TMOD1: variants seen among roughly 807,000 people sequenced by gnomAD.
The protein encoded by TMOD1 is tropomodulin-1.
Under a neutral mutation model 40.6 loss-of-function variants are expected in TMOD1, and 17 were observed. The ratio of observed to expected loss-of-function variants is 0.42; its 90% CI spans 0.29 to 0.63. TMOD1 has a LOEUF of 0.63. Among genes scored for constraint, TMOD1 ranks in the 20% least tolerant of loss-of-function variants. TMOD1 has a pLI of 0.22. For synonymous variants in TMOD1, 181 were observed against 175.0 expected (o/e 1.03, Z -0.27); for missense variants, 391 against 447.6 (o/e 0.87, Z 1.14).
intron 5 of TMOD1, 115 bp from the exon 6 acceptor site, chr9:97,563,923 G>A: frequency 1.1e-6 from 1 of 886,102 alleles, no homozygotes; most frequent in South Asian, 1.6e-5. Flanking sequence ...CCCCTGTGAT[G>A]TGCAGCCCTC....
chr9:97,589,392 C>T (rs1331055445), intron 8 of TMOD1, among the ~76,000 whole-genome samples: 1 of 149,610 alleles, frequency 6.7e-6, no homozygotes, highest in Non-Finnish European at 1.5e-5. Context: ...CTGCCTCAGC[C>T]TCCCGAGTAT....
rs1829512167 is a variant in TMOD1 at position 97,502,133 on chromosome 9, G to C, written c.-49+330G>C. Among the ~76,000 whole-genome samples the C allele has an allele frequency of 6.6e-6, 1 of 151,974 alleles. No individual in the cohort carries two copies. The highest frequency in any genetic ancestry group is 1.5e-5 in the Non-Finnish European group (1 of 67,958). ...TGGAGGAGACGGCGCCCCGGGCTGGGGTCCTGGCGGAGGGGCGCCCCCGCC... is the reference window on the plus strand; with the variant it reads ...TGGAGGAGACGGCGCCCCGGGCTGGCGTCCTGGCGGAGGGGCGCCCCCGCC... On this transcript the variant is annotated intron_variant, in intron 1 of 9. Transcript: ENST00000259365. This position sits in a 1 kb window ranked among gnomAD's most constrained non-coding sequence, Gnocchi z 6.1.
At chr9:97,583,950 C>A (rs938306630) in intron 8 of TMOD1, among the ~76,000 whole-genome samples, 22 of 152,034 alleles carry the variant, frequency 1.4e-4, no homozygotes, top group African/African-American at 5.3e-4. Context: ...TTTAAAAAAC[C>A]AGCTCCTGGA....
At chr9:97,571,256 G>A (rs1321924240) in intron 8 of TMOD1, among the ~76,000 whole-genome samples, 1 of 152,224 alleles carries the variant, frequency 6.6e-6, no homozygotes, top group East Asian at 1.9e-4. Context: ...GGTCACTGTG[G>A]TGGCAGCTGC....
intron 2 of TMOD1, among the ~76,000 whole-genome samples, chr9:97,535,251 G>A (rs1233128933): frequency 6.6e-6 from 1 of 152,188 alleles, no homozygotes; most frequent in Non-Finnish European, 1.5e-5. Context: ...AACCAGCCAG[G>A]AGGCTTCTCT....
chr9:97,526,092 G>T (rs1309780574), intron 2 of TMOD1, among the ~76,000 whole-genome samples: 2 of 152,220 alleles, frequency 1.3e-5, no homozygotes, highest in African/African-American at 4.8e-5. Context: ...GCCCCGGCCT[G>T]TAAGGTGTGG....
intron 9 of TMOD1, among the ~76,000 whole-genome samples, chr9:97,594,600 C>A (rs1826067592): frequency 6.6e-6 from 1 of 152,206 alleles, no homozygotes; most frequent in Non-Finnish European, 1.5e-5. Context: ...TTGGGCTCCT[C>A]CTTGGGGGAC....
At chr9:97,550,882 C>A (rs1830439996) in intron 3 of TMOD1, among the ~76,000 whole-genome samples, 1 of 151,012 alleles carries the variant, frequency 6.6e-6, no homozygotes, top group Admixed American at 6.6e-5. Context: ...TGATGAAGTC[C>A]AGTTGATCTA....
At chr9:97,546,373 A>T (rs1830360754) in intron 3 of TMOD1, 32 bp downstream of exon 3, 1 of 1,603,194 alleles carries the variant, frequency 6.2e-7, no homozygotes, top group Non-Finnish European at 8.5e-7. Flanking sequence ...ATAATATGCC[A>T]CTCCCCATGC....
At chr9:97,532,036 C>A (rs1281504664) in intron 2 of TMOD1, among the ~76,000 whole-genome samples, 1 of 152,182 alleles carries the variant, frequency 6.6e-6, no homozygotes, top group African/African-American at 2.4e-5. Flanking sequence ...AAATCATATC[C>A]TTTAAGGCAA....
intron 9 of TMOD1, among the ~76,000 whole-genome samples, chr9:97,593,607 AC>A (rs1826042604): frequency 1.3e-5 from 2 of 152,028 alleles, no homozygotes; most frequent in African/African-American, 4.8e-5. Context: ...AAGCTTTATA[AC>A]CTTTTAGGGG....
At chr9:97,569,123 A>C (rs1423848145) in intron 8 of TMOD1, 86 bp downstream of exon 8, 2 of 1,544,324 alleles carry the variant, frequency 1.3e-6, no homozygotes, top group African/African-American at 1.4e-5. Context: ...GATGGAGCTG[A>C]GAATGCTGAT....
chr9:97,559,794 A>AAAT (rs1390791825), intron 4 of TMOD1, among the ~76,000 whole-genome samples: 91 of 23,126 alleles, frequency 3.9e-3, no homozygotes, highest in African/African-American at 7.8e-3. Context: ...AAAAAAAAAA[A>AAAT]ATATATATAT....
intron 8 of TMOD1, among the ~76,000 whole-genome samples, chr9:97,587,923 A>G (rs1054113333): frequency 1.3e-5 from 2 of 152,224 alleles, no homozygotes; most frequent in East Asian, 3.8e-4. Flanking sequence ...ATAATAGCAC[A>G]TATCAGAACT....
At chr9:97,522,301 C>G (rs931285282) in intron 1 of TMOD1, among the ~76,000 whole-genome samples, 2 of 152,168 alleles carry the variant, frequency 1.3e-5, no homozygotes, top group East Asian at 3.9e-4. Context: ...AGCATCACCC[C>G]AATCTCTGCC....
intron 4 of TMOD1, among the ~76,000 whole-genome samples, 153 bp from the exon 5 acceptor site, chr9:97,562,579 G>T (rs1434729360): frequency 6.6e-6 from 1 of 152,218 alleles, no homozygotes; most frequent in African/African-American, 2.4e-5. Context: ...ATCAATAGAG[G>T]TGAGAGTAAA....
intron 3 of TMOD1, among the ~76,000 whole-genome samples, chr9:97,549,275 T>C (rs1587935766): frequency 6.6e-6 from 1 of 152,160 alleles, no homozygotes; most frequent in Non-Finnish European, 1.5e-5. Flanking sequence ...AGCTTTTCAT[T>C]CTGCCACCCC....
rs1292782414 is a variant in TMOD1 at position 97,589,133 on chromosome 9, A to AG, written c.871-2158_871-2157insG. On this transcript the variant is annotated intron_variant, in intron 8 of 9. Coordinates refer to ENST00000259365, the MANE Select transcript of TMOD1 (RefSeq NM_003275.4). ...ACTCTGTCTCAAAAAAAAAAAAAAA[A>AG]AAGAAGAAGAATTAATATTTTTTAT... Among the ~76,000 whole-genome samples the AG allele has an allele frequency of 2.4e-3, 352 of 148,434 alleles. 8 individuals carry two copies. Among genetic ancestry groups the AG allele is most frequent in the Middle Eastern group, 0.021 (6 of 286 alleles).
chr9:97,519,383 CTGTAAG>C (rs1326959449), intron 1 of TMOD1, among the ~76,000 whole-genome samples: 1 of 152,102 alleles, frequency 6.6e-6, no homozygotes, highest in African/African-American at 2.4e-5. Flanking sequence ...GCCGGATATG[CTGTAAG>C]TGTAAAATAG....
Sources: allele counts gnomAD v4.1 joint callset (sites outside exome capture counted in the v4.1 genomes callset), GRCh38; gene constraint gnomAD v4.1.1; non-coding constraint Gnocchi (gnomAD v3.1); transcripts MANE v1.5; gene names NCBI Gene and HGNC (gene_info 2026-07-23, HGNC 2026-07-21).